CFAP61: variants seen among roughly 807,000 people sequenced by gnomAD.
The protein encoded by CFAP61 is cilia and flagella associated protein 61.
Under a neutral mutation model 135.6 loss-of-function variants are expected in CFAP61, and 107 were observed. The observed-to-expected ratio is 0.79, with a 90% CI of 0.67 to 0.93. The LOEUF (loss-of-function observed/expected upper bound fraction) is 0.93. CFAP61 is among the 40% of genes least tolerant of loss of function. The pLI is 0.00. For missense variants in CFAP61, 1,507 were observed against 1,556.2 expected, an observed-to-expected ratio of 0.97 and a Z score of 0.53; for synonymous variants, 575 against 578.5, an observed-to-expected ratio of 0.99 and a Z score of 0.09.
intron 17 of CFAP61, among the ~76,000 whole-genome samples, chr20:20,204,499 C>T (rs1346926297): frequency 6.6e-6 from 1 of 152,126 alleles, no homozygotes; most frequent in African/African-American, 2.4e-5. Context: ...CTTCCCAGTC[C>T]AGCTATAATT....
At position 20,277,369 on chromosome 20, in the gene CFAP61, C is replaced by T. The variant is rs762845256; in HGVS notation, c.2707C>T (p.Leu903=). 1.2e-6 allele frequency: 2 copies of T among 1,614,194 alleles called. No individual in the cohort carries two copies. The highest frequency in any genetic ancestry group is 8.5e-7 in the Non-Finnish European group (1 of 1,180,036). The change falls in exon 22 of 27, where the codon CTG becomes TTG. Residue 903 remains leucine (L), a synonymous_variant. Coordinates refer to ENST00000245957, the MANE Select transcript of CFAP61 (RefSeq NM_015585.4). ...AGTCACTATGTACCGGGATGCGATC[C>T]TGGCCCAGTGGAATGACGGCCTGCA... ...AGVTMYRDAI[L]AQWNDGLHPD... is the part of the protein sequence containing the mutation.
chr20:20,174,855 A>T (rs34020366), intron 13 of CFAP61, among the ~76,000 whole-genome samples: 3,964 of 152,294 alleles, frequency 0.026, 86 homozygotes, highest in Middle Eastern at 0.14. Flanking sequence ...AGTGACCTTA[A>T]AGAAGACTCC....
At chr20:20,269,117 C>CTATATA (rs142189443) in intron 21 of CFAP61, among the ~76,000 whole-genome samples, 4,959 of 104,242 alleles carry the variant, frequency 0.048, 188 homozygotes, top group Middle Eastern at 0.13. Context: ...TATTCGTGGG[C>CTATATA]TATATATATA....
At chr20:20,196,823 GTGT>G in intron 16 of CFAP61, 47 bp downstream of exon 16, 6 of 1,469,090 alleles carry the variant, frequency 4.1e-6, no homozygotes, top group Non-Finnish European at 5.7e-6. Flanking sequence ...AACGTTCACA[GTGT>G]TGTTGGTGTT....
chr20:20,164,956 A>G (rs1311242107), intron 11 of CFAP61, among the ~76,000 whole-genome samples: 2 of 152,194 alleles, frequency 1.3e-5, no homozygotes, highest in Non-Finnish European at 2.9e-5. Context: ...AGATTTCATG[A>G]GACTTATTCA....
chr20:20,338,144 C>T (rs2058310798), intron 25 of CFAP61, among the ~76,000 whole-genome samples: 1 of 152,224 alleles, frequency 6.6e-6, no homozygotes, highest in African/African-American at 2.4e-5. Context: ...AAAGCCCCAC[C>T]AGCTATGCTC....
intron 11 of CFAP61, among the ~76,000 whole-genome samples, chr20:20,166,059 G>C (rs1294769038): frequency 6.6e-6 from 1 of 152,224 alleles, no homozygotes; most frequent in African/African-American, 2.4e-5. Flanking sequence ...AAGGGAAACA[G>C]ATCAGAAGCA....
chr20:20,110,890 A>G (rs578015893), intron 8 of CFAP61, among the ~76,000 whole-genome samples: 40 of 152,296 alleles, frequency 2.6e-4, no homozygotes, highest in Middle Eastern at 6.8e-3. Context: ...GGGGCAAAAC[A>G]AGACAACCTA....
At chr20:20,092,315 A>T (rs780594929) in intron 7 of CFAP61, among the ~76,000 whole-genome samples, 1 of 152,236 alleles carries the variant, frequency 6.6e-6, no homozygotes, top group Non-Finnish European at 1.5e-5. Flanking sequence ...AAAAATTGGA[A>T]TTTCTAGCTT....
chr20:20,115,054 T>C (rs1161958484), intron 8 of CFAP61, among the ~76,000 whole-genome samples: 1 of 152,204 alleles, frequency 6.6e-6, no homozygotes, highest in Non-Finnish European at 1.5e-5. Context: ...GTATTTATTT[T>C]GTTAATTTCA....
intron 3 of CFAP61, among the ~76,000 whole-genome samples, chr20:20,072,578 G>C (rs1488838239): frequency 6.6e-6 from 1 of 152,026 alleles, no homozygotes; most frequent in Admixed American, 6.6e-5. Context: ...TTGCATTAGG[G>C]TTATGATTTT....
intron 6 of CFAP61, among the ~76,000 whole-genome samples, chr20:20,089,711 A>G (rs2047049539): frequency 6.6e-6 from 1 of 152,132 alleles, no homozygotes; most frequent in Non-Finnish European, 1.5e-5. Flanking sequence ...GGAACACAGG[A>G]GCTAGCCTCC....
intron 7 of CFAP61, among the ~76,000 whole-genome samples, chr20:20,092,968 A>G (rs8113971): frequency 0.017 from 2,585 of 152,344 alleles, 58 homozygotes; most frequent in Middle Eastern, 0.065. Flanking sequence ...CAGCAATTCC[A>G]TACACAGAAT....
intron 9 of CFAP61, among the ~76,000 whole-genome samples, chr20:20,157,096 T>C (rs7262190): frequency 6.6e-6 from 1 of 152,148 alleles, no homozygotes; most frequent in South Asian, 2.1e-4. Flanking sequence ...GATTCTTTTT[T>C]TTCTCTCTCT....
intron 21 of CFAP61, among the ~76,000 whole-genome samples, chr20:20,273,431 A>G (rs746713208): frequency 1.3e-4 from 20 of 152,152 alleles, no homozygotes; most frequent in Non-Finnish European, 2.6e-4. Flanking sequence ...GTGACTGGAT[A>G]GTTCTTATAG....
chr20:20,280,610 C>A (rs754769901), intron 22 of CFAP61, among the ~76,000 whole-genome samples: 2 of 152,112 alleles, frequency 1.3e-5, no homozygotes, highest in Non-Finnish European at 2.9e-5. Flanking sequence ...ATAGTTCATT[C>A]TTTTTTATGG....
intron 25 of CFAP61, among the ~76,000 whole-genome samples, chr20:20,300,286 A>G (rs2055980752): frequency 6.6e-6 from 1 of 152,140 alleles, no homozygotes; most frequent in Non-Finnish European, 1.5e-5. Context: ...CCTTCTACTT[A>G]TGAAAAAAAA....
chr20:20,226,927 G>A (rs1362170413), intron 17 of CFAP61, among the ~76,000 whole-genome samples: 3 of 152,256 alleles, frequency 2.0e-5, no homozygotes, highest in Admixed American at 6.5e-5. Context: ...GGGTGGAACA[G>A]ATGTTGAGAG....
intron 20 of CFAP61, 60 bp downstream of exon 20, chr20:20,251,823 A>T: frequency 6.5e-7 from 1 of 1,537,746 alleles, no homozygotes; most frequent in African/African-American, 1.4e-5. Flanking sequence ...AAAGCCATTC[A>T]TATGTTTACT....
Sources: gnomAD v4.1 joint callset for allele counts (sites outside exome capture counted in the v4.1 genomes callset) on GRCh38, gnomAD v4.1.1 for gene constraint, MANE v1.5 for transcripts, NCBI Gene and HGNC (gene_info 2026-07-23, HGNC 2026-07-21) for gene names.